Variants in AMPH observed in about 807,000 individuals in gnomAD.
AMPH encodes amphiphysin (Stiff-Mann syndrome with breast cancer 128kD autoantigen).
AMPH carries 49 observed loss-of-function variants against 99.1 expected under a neutral mutation model. The ratio of observed to expected loss-of-function variants is 0.49; its 90% CI spans 0.39 to 0.63. AMPH has a LOEUF of 0.63. Ranked by LOEUF, AMPH falls within the 20% of genes least tolerant of loss-of-function variation. The pLI is 0.00. For missense variants in AMPH, 759 were observed against 863.4 expected (o/e 0.88, Z 1.52); for synonymous variants, 314 against 317.3 (o/e 0.99, Z 0.11).
chr7:38,622,422 T>C (rs996213887), intron 1 of AMPH, among the ~76,000 whole-genome samples: 1 of 150,054 alleles, frequency 6.7e-6, no homozygotes, highest in African/African-American at 2.5e-5. Flanking sequence ...GTATGTAATA[T>C]ATGTAACTAT....
chr7:38,461,965 T>C (rs530308628), intron 10 of AMPH, among the ~76,000 whole-genome samples: 32 of 152,316 alleles, frequency 2.1e-4, no homozygotes, highest in African/African-American at 7.7e-4. Context: ...CAATCTATGA[T>C]TTTTTTGGAC....
chr7:38,511,848 G>A (rs1789553762), intron 2 of AMPH, among the ~76,000 whole-genome samples: 1 of 152,166 alleles, frequency 6.6e-6, no homozygotes, highest in Non-Finnish European at 1.5e-5. Context: ...AATCAGGTTT[G>A]GGAACATATT....
intron 3 of AMPH, among the ~76,000 whole-genome samples, chr7:38,502,262 T>C (rs2129026462): frequency 6.6e-6 from 1 of 152,346 alleles, no homozygotes; most frequent in South Asian, 2.1e-4. Context: ...AGACCTTCTC[T>C]ACAGCCTAGA....
intron 2 of AMPH, among the ~76,000 whole-genome samples, chr7:38,513,483 C>CA (rs1789620445): frequency 1.3e-5 from 2 of 152,076 alleles, no homozygotes; most frequent in African/African-American, 4.8e-5. Context: ...AATACTCATG[C>CA]ACAAATGACA....
At chr7:38,434,274 T>C (rs1260084650) in intron 12 of AMPH, among the ~76,000 whole-genome samples, 1 of 152,188 alleles carries the variant, frequency 6.6e-6, no homozygotes, top group Non-Finnish European at 1.5e-5. Context: ...TTTTGAAGAA[T>C]CTCTTAGTCA....
chr7:38,529,177 A>G (rs748016725), intron 2 of AMPH, among the ~76,000 whole-genome samples: 2 of 152,242 alleles, frequency 1.3e-5, no homozygotes, highest in Non-Finnish European at 2.9e-5. Context: ...ATATCAGATC[A>G]TCTTAGTTGA....
chr7:38,457,357 TA>T (rs141934173), intron 11 of AMPH, among the ~76,000 whole-genome samples: 3,944 of 152,308 alleles, frequency 0.026, 74 homozygotes, highest in Admixed American at 0.053. Flanking sequence ...ACCAAAGAGA[TA>T]TTTTTTAAAA....
intron 4 of AMPH, among the ~76,000 whole-genome samples, chr7:38,492,594 A>T (rs1364479120): frequency 6.6e-6 from 1 of 152,184 alleles, no homozygotes; most frequent in East Asian, 1.9e-4. Flanking sequence ...ATTTAAATCC[A>T]CTGTTTAGAA....
intron 1 of AMPH, among the ~76,000 whole-genome samples, chr7:38,627,303 G>C (rs1238851444): frequency 4.0e-5 from 6 of 151,496 alleles, no homozygotes; most frequent in Non-Finnish European, 7.4e-5. Flanking sequence ...CAGCACTTTG[G>C]GAGGCTGAGG....
At chr7:38,590,109 G>A (rs574340461) in intron 1 of AMPH, among the ~76,000 whole-genome samples, 22 of 152,136 alleles carry the variant, frequency 1.4e-4, no homozygotes, top group Admixed American at 1.0e-3. Flanking sequence ...TCTCTGACCC[G>A]GGGTTCTTGG....
intron 2 of AMPH, among the ~76,000 whole-genome samples, chr7:38,513,758 A>C (rs1029897308): frequency 5.3e-5 from 8 of 152,158 alleles, no homozygotes; most frequent in African/African-American, 1.9e-4. Context: ...ACCTTAAAAA[A>C]AGTGTCCTGC....
intron 7 of AMPH, among the ~76,000 whole-genome samples, chr7:38,467,012 CATAT>C (rs1172005081): frequency 1.3e-5 from 2 of 152,194 alleles, no homozygotes; most frequent in Non-Finnish European, 2.9e-5. Context: ...TTTAAAAGAT[CATAT>C]ACTTATTCAT....
chr7:38,495,064 T>C lies in AMPH; in HGVS notation c.206-537A>G, dbSNP rs187639379. ...GGTTAAGTTTTAAGTGGCCTAAAAT[T>C]TTTACAAAGAACAAAGAAAAAAAGT... On this transcript the variant is annotated intron_variant, in intron 3 of 20. Coordinates refer to ENST00000356264, the MANE Select transcript of AMPH (RefSeq NM_001635.4). 4.6e-5 allele frequency among the ~76,000 whole-genome samples: 7 copies of C among 152,280 alleles called. No homozygotes were observed. The East Asian group carries it at 1.4e-3, about 29-fold the overall frequency.
At position 38,389,297 on chromosome 7, in the gene AMPH, G is replaced by T. The variant is rs1223837056; in HGVS notation, c.1980+507C>A. On this transcript the variant is annotated intron_variant, in intron 20 of 20. Transcript: ENST00000356264. ...TCTTTTAGGAAGTGATATTTTTAAA[G>T]AATCTCTTTAAGTTGAGGTATAACT... Among the ~76,000 whole-genome samples, 4 of 152,288 alleles carry T rather than the reference G, an allele frequency of 2.6e-5. No individual in the cohort carries two copies. In the East Asian group the frequency reaches 7.7e-4, roughly 29 times the overall value.
intron 11 of AMPH, among the ~76,000 whole-genome samples, chr7:38,446,765 T>G (rs983083997): frequency 1.3e-5 from 2 of 152,186 alleles, no homozygotes; most frequent in African/African-American, 2.4e-5. Flanking sequence ...TATGTAAACA[T>G]GTACAGTTTA....
chr7:38,628,300 T>C (rs1165261366), intron 1 of AMPH, among the ~76,000 whole-genome samples: 3 of 152,236 alleles, frequency 2.0e-5, no homozygotes, highest in Non-Finnish European at 2.9e-5. Flanking sequence ...AAGTGTCTCA[T>C]GGACTGCTGA....
intron 11 of AMPH, among the ~76,000 whole-genome samples, chr7:38,451,384 G>GT (rs1787024966): frequency 2.7e-5 from 4 of 148,502 alleles, no homozygotes; most frequent in Admixed American, 1.4e-4. Context: ...ATATACACAT[G>GT]TATATATACA....
At chr7:38,475,684 T>C (rs574341250) in intron 6 of AMPH, among the ~76,000 whole-genome samples, 14 of 152,308 alleles carry the variant, frequency 9.2e-5, no homozygotes, top group South Asian at 2.1e-4. Context: ...CTGCCTGCCA[T>C]GTAGACAGCT....
At chr7:38,457,519 T>C (rs1176043027) in intron 11 of AMPH, among the ~76,000 whole-genome samples, 1 of 151,958 alleles carries the variant, frequency 6.6e-6, no homozygotes, top group African/African-American at 2.4e-5. Context: ...CAAAAATAAA[T>C]AAAAAAGAAT....
Sources: gnomAD v4.1 joint callset for allele counts (sites outside exome capture counted in the v4.1 genomes callset) on GRCh38, gnomAD v4.1.1 for gene constraint, MANE v1.5 for transcripts, NCBI Gene and HGNC (gene_info 2026-07-23, HGNC 2026-07-21) for gene names.